STK33: variants seen among roughly 807,000 people sequenced by gnomAD.
STK33 encodes serine/threonine-protein kinase 33.
A neutral mutation model predicts 58.0 loss-of-function variants in STK33; 52 were observed. The ratio of observed to expected loss-of-function variants is 0.90; its 90% CI spans 0.72 to 1.13. The LOEUF (loss-of-function observed/expected upper bound fraction) is 1.13. STK33 is among the 50% of genes most tolerant of loss of function. The pLI, the probability that STK33 is intolerant of heterozygous loss-of-function variation, is 0.00. For missense variants in STK33, 630 were observed against 604.2 expected (o/e 1.04, Z -0.45); for synonymous variants, 215 against 200.1 (o/e 1.07, Z -0.63).
Position 8,540,990 on chromosome 11 carries a change from C to CTA in STK33, c.-466+53092_-466+53093insTA, listed in dbSNP as rs1382518084. ...TATCTCTCTCTCTCTCTCTCTCTCT[C>CTA]TCTCTATATATATATATATATATCT... is the stretch of plus-strand genomic sequence containing the variant. On this transcript the variant is annotated intron_variant, in intron 1 of 15. Transcript: ENST00000687296. Among the ~76,000 whole-genome samples, 645 of 137,198 alleles carry CTA rather than the reference C, an allele frequency of 4.7e-3. 4 individuals are homozygous for CTA. Among genetic ancestry groups the CTA allele is most frequent in the African/African-American group, 9.7e-3 (350 of 36,032 alleles). 90.0% of individuals were successfully genotyped at this position (137,198 alleles called of 152,430 possible).
chr11:8,549,737 T>C (rs768208112), intron 1 of STK33, among the ~76,000 whole-genome samples: 1 of 150,178 alleles, frequency 6.7e-6, no homozygotes, highest in Non-Finnish European at 1.5e-5. Flanking sequence ...AATTTATTCA[T>C]TTCGTCTAAG....
intron 11 of STK33, among the ~76,000 whole-genome samples, chr11:8,448,782 T>C (rs1313454084): frequency 6.6e-6 from 1 of 152,068 alleles, no homozygotes; most frequent in Non-Finnish European, 1.5e-5. Flanking sequence ...AATTGACAAA[T>C]GGGACCTAAT....
intron 1 of STK33, among the ~76,000 whole-genome samples, chr11:8,510,526 T>C (rs1952231239): frequency 6.6e-6 from 1 of 152,176 alleles, no homozygotes; most frequent in South Asian, 2.1e-4. Flanking sequence ...TTTATTTATT[T>C]TTGTTCTCGT....
At chr11:8,357,015 C>T in the STK33 span, among the ~76,000 whole-genome samples, 14 of 152,190 alleles carry the variant, frequency 9.2e-5, no homozygotes, top group Admixed American at 4.6e-4. Flanking sequence ...GGCGCTGCCC[C>T]GCAGTTGTGC....
the STK33 span, among the ~76,000 whole-genome samples, chr11:8,377,569 G>A: frequency 6.6e-6 from 1 of 152,166 alleles, no homozygotes. Flanking sequence ...ACAGGACAAA[G>A]ATGCCCACTT....
chr11:8,453,006 G>T, intron 10 of STK33, 100 bp from the exon 11 acceptor site: 1 of 1,049,966 alleles, frequency 9.5e-7, no homozygotes, highest in Non-Finnish European at 1.5e-6. Flanking sequence ...GAATTCTGGG[G>T]TTCTTGGGGG....
chr11:8,562,938 A>G (rs1322010027), intron 1 of STK33, among the ~76,000 whole-genome samples: 2 of 152,190 alleles, frequency 1.3e-5, no homozygotes, highest in Non-Finnish European at 2.9e-5. Context: ...TAGCAGATCA[A>G]TAAGTAAGTA....
the STK33 span, among the ~76,000 whole-genome samples, chr11:8,340,902 A>G: frequency 1.3e-5 from 2 of 152,230 alleles, no homozygotes; most frequent in African/African-American, 2.4e-5. Flanking sequence ...TCTGCAGCCC[A>G]GGCTGGAGTG....
intron 7 of STK33, among the ~76,000 whole-genome samples, chr11:8,462,434 T>TATATACACAC: frequency 2.2e-5 from 2 of 90,442 alleles, no homozygotes; most frequent in African/African-American, 9.0e-5. Context: ...TATACATATA[T>TATATACACAC]ACATATATAC....
the STK33 span, among the ~76,000 whole-genome samples, chr11:8,341,185 C>T: frequency 6.6e-6 from 1 of 152,246 alleles, no homozygotes; most frequent in East Asian, 1.9e-4. Flanking sequence ...TGCTCTTAGG[C>T]ATCAACATGC....
chr11:8,361,211 G>A, the STK33 span, among the ~76,000 whole-genome samples: 1 of 152,164 alleles, frequency 6.6e-6, no homozygotes, highest in Non-Finnish European at 1.5e-5. This position sits in a 1 kb window ranked among gnomAD's most constrained non-coding sequence, Gnocchi z 4.8. Flanking sequence ...GGGCCAGAGG[G>A]AAGGGGAGGG....
chr11:8,346,616 G>A, the STK33 span, among the ~76,000 whole-genome samples: 1 of 152,216 alleles, frequency 6.6e-6, no homozygotes, highest in Non-Finnish European at 1.5e-5. Flanking sequence ...GCATGACACT[G>A]GCTGGCTCTG....
At chr11:8,498,647 C>CA in intron 1 of STK33, among the ~76,000 whole-genome samples, 1 of 152,158 alleles carries the variant, frequency 6.6e-6, no homozygotes, top group South Asian at 2.1e-4. Context: ...GCAAAAAGAA[C>CA]AAAGCTGGAG....
rs1946666148 is a variant in STK33, at chr11:8,454,881, T to C, written c.698-49A>G. The stretch of plus-strand genomic sequence containing the variant: ...TCAAATGAAATGAATAATGGAAAAA[T>C]AGGAGAGACACATATAGATTAAATA... On this transcript the variant is annotated intron_variant, in intron 9 of 15. Coordinates refer to ENST00000687296, the MANE Select transcript of STK33 (RefSeq NM_001352389.2). 5.5e-6 allele frequency: 8 copies of C among 1,466,660 alleles called. No individual in the cohort carries two copies. In the Admixed American group the frequency reaches 7.5e-5, roughly 14 times the overall value. The allele number at this position is 1,466,660 out of a possible 1,614,324, so 90.9% of individuals were successfully genotyped here. A position where few individuals can be genotyped will look rare whatever the true frequency, so the allele number is the denominator to read the frequency against.
At chr11:8,535,621 A>G (rs1448630091) in intron 1 of STK33, among the ~76,000 whole-genome samples, 2 of 152,186 alleles carry the variant, frequency 1.3e-5, no homozygotes, top group East Asian at 3.8e-4. Flanking sequence ...GGGAACTCTT[A>G]TAAACTGTTG....
intron 1 of STK33, among the ~76,000 whole-genome samples, chr11:8,555,683 A>C (rs1489070697): frequency 6.6e-6 from 1 of 151,954 alleles, no homozygotes; most frequent in Non-Finnish European, 1.5e-5. Flanking sequence ...ATAAAAATAA[A>C]AATAACAATA....
rs190811558 is a variant in STK33 at position 8,396,143 on chromosome 11, G to A, written c.1345-3433C>T. On this transcript the variant is annotated intron_variant, in intron 15 of 15. Coordinates refer to ENST00000687296, the MANE Select transcript of STK33 (RefSeq NM_001352389.2). ...TTTGAGGTGGAGTTTTGCTCTTATC[G>A]CCCAAGCTGGACTGCAATGACACAA... Among the ~76,000 whole-genome samples the A allele has an allele frequency of 3.2e-3, 479 of 151,960 alleles. 2 individuals are homozygous for A. The highest frequency in any genetic ancestry group is 6.8e-3 in the Middle Eastern group (2 of 294).
At chr11:8,378,666 C>G in the STK33 span, among the ~76,000 whole-genome samples, 1 of 152,272 alleles carries the variant, frequency 6.6e-6, no homozygotes, top group African/African-American at 2.4e-5. Context: ...ATTATGGGAA[C>G]TATAATTCAA....
At chr11:8,443,448 G>A (rs11823435) in intron 11 of STK33, among the ~76,000 whole-genome samples, 2,232 of 152,180 alleles carry the variant, frequency 0.015, 49 homozygotes, top group African/African-American at 0.05. Flanking sequence ...CAAAAGGCTA[G>A]GACAACTAAC....
Sources: gnomAD v4.1 joint callset for allele counts (sites outside exome capture counted in the v4.1 genomes callset) on GRCh38, gnomAD v4.1.1 for gene constraint, Gnocchi (gnomAD v3.1) non-coding constraint, MANE v1.5 for transcripts, NCBI Gene and HGNC (gene_info 2026-07-23, HGNC 2026-07-21) for gene names.